The following COL25A1 variants were observed in gnomAD, a reference collection of about 807,000 sequenced individuals.
COL25A1 encodes collagen alpha-1(XXV) chain.
A neutral mutation model predicts 128.4 loss-of-function variants in COL25A1; 103 were observed. The ratio of observed to expected loss-of-function variants is 0.80; its 90% CI spans 0.68 to 0.94. COL25A1 has a LOEUF of 0.94. COL25A1 is among the 40% of genes least tolerant of loss of function. COL25A1 has a pLI of 0.00. For missense variants in COL25A1, 745 were observed against 840.0 expected, an observed-to-expected ratio of 0.89 and a Z score of 1.40; for synonymous variants, 279 against 277.2, an observed-to-expected ratio of 1.01 and a Z score of -0.06.
intron 3 of COL25A1, among the ~76,000 whole-genome samples, chr4:109,279,716 A>C (rs2126273480): frequency 6.6e-6 from 1 of 152,348 alleles, no homozygotes. Context: ...CGTGTTGAAA[A>C]GCTTTTATCA....
At position 109,020,136 on chromosome 4, in the gene COL25A1, A is replaced by G. The variant is rs772696983; in HGVS notation, c.421-9761T>C. On this transcript the variant is annotated intron_variant, in intron 5 of 37. Transcript: ENST00000399132. ...TAAAGCATTATGGATTATGTGTATT[A>G]ATTTTAAAATGGCTTTGCAAAGACT... Among the ~76,000 whole-genome samples the G allele has an allele frequency of 1.6e-4, 25 of 152,182 alleles. 1 individual carries two copies. The highest frequency in any genetic ancestry group is 3.1e-4 in the Non-Finnish European group (21 of 68,042).
intron 30 of COL25A1, among the ~76,000 whole-genome samples, chr4:108,844,316 C>T (rs1052486992): frequency 6.6e-6 from 1 of 152,190 alleles, no homozygotes; most frequent in Non-Finnish European, 1.5e-5. Flanking sequence ...CAAAACTACT[C>T]TATCTCTTCC....
At chr4:109,227,545 T>A (rs2126216816) in intron 3 of COL25A1, among the ~76,000 whole-genome samples, 1 of 151,970 alleles carries the variant, frequency 6.6e-6, no homozygotes, top group African/African-American at 2.4e-5. Flanking sequence ...TTTGAAAGTC[T>A]GGTTATTGCT....
chr4:108,824,043 C>T (rs374776837), intron 35 of COL25A1, 131 bp downstream of exon 35: 3 of 1,611,544 alleles, frequency 1.9e-6, no homozygotes, highest in African/African-American at 2.7e-5. Flanking sequence ...TTCCTTAAAT[C>T]AGGCATCAGT....
intron 3 of COL25A1, among the ~76,000 whole-genome samples, chr4:109,218,365 T>TG (rs1778184254): frequency 2.3e-5 from 3 of 128,632 alleles, no homozygotes; most frequent in African/African-American, 1.0e-4. Context: ...GGGTTTTTTT[T>TG]TTTTTTTTTT....
intron 3 of COL25A1, among the ~76,000 whole-genome samples, chr4:109,253,870 G>T (rs1001844720): frequency 1.3e-5 from 2 of 152,014 alleles, no homozygotes; most frequent in Admixed American, 6.6e-5. Flanking sequence ...GGCGGATCAC[G>T]AGGTCAGGAG....
intron 3 of COL25A1, among the ~76,000 whole-genome samples, chr4:109,190,736 C>G (rs1325594308): frequency 1.3e-5 from 2 of 152,194 alleles, no homozygotes; most frequent in Non-Finnish European, 2.9e-5. Context: ...ATCAGTTACA[C>G]AGAAGAGGCT....
intron 3 of COL25A1, among the ~76,000 whole-genome samples, chr4:109,173,206 C>G (rs1262309790): frequency 6.6e-6 from 1 of 151,920 alleles, no homozygotes; most frequent in African/African-American, 2.4e-5. Context: ...CCCTTTCAGA[C>G]CCCTGAATAG....
At chr4:108,944,246 A>G (rs1354996312) in intron 8 of COL25A1, among the ~76,000 whole-genome samples, 2 of 152,182 alleles carry the variant, frequency 1.3e-5, no homozygotes, top group Admixed American at 1.3e-4. Context: ...CTCTCTAAAT[A>G]CAAGTCCTTT....
intron 6 of COL25A1, among the ~76,000 whole-genome samples, chr4:109,006,351 A>G (rs1425405317): frequency 7.7e-6 from 1 of 130,462 alleles, no homozygotes; most frequent in Non-Finnish European, 1.6e-5. Flanking sequence ...AGCTAGGGTT[A>G]TAGGTGTGCA....
chr4:109,072,181 A>G (rs1258031431), intron 3 of COL25A1, among the ~76,000 whole-genome samples: 1 of 152,216 alleles, frequency 6.6e-6, no homozygotes, highest in Non-Finnish European at 1.5e-5. Context: ...CAAAATATAT[A>G]TACTAATTCA....
chr4:109,197,376 TATA>T (rs1387989492), intron 3 of COL25A1, among the ~76,000 whole-genome samples: 1 of 128,620 alleles, frequency 7.8e-6, no homozygotes, highest in Non-Finnish European at 1.6e-5. Flanking sequence ...ATATAATATA[TATA>T]ATATATAATC....
At chr4:108,905,856 G>GC (rs1743431107) in intron 13 of COL25A1, among the ~76,000 whole-genome samples, 1 of 150,436 alleles carries the variant, frequency 6.6e-6, no homozygotes, top group African/African-American at 2.5e-5. Context: ...ATGTCGGGGG[G>GC]GGGTGCGGGG....
At chr4:109,144,686 CA>C (rs1770761207) in intron 3 of COL25A1, among the ~76,000 whole-genome samples, 1 of 152,132 alleles carries the variant, frequency 6.6e-6, no homozygotes, top group Non-Finnish European at 1.5e-5. Context: ...TTCCATTTAC[CA>C]ACTTAACACC....
At chr4:109,125,687 C>G (rs370596646) in intron 3 of COL25A1, among the ~76,000 whole-genome samples, 3 of 152,110 alleles carry the variant, frequency 2.0e-5, no homozygotes, top group African/African-American at 7.2e-5. Context: ...GATCAATTTT[C>G]AACACATGGA....
At chr4:109,197,365 TATATA>T (rs1269002138) in intron 3 of COL25A1, among the ~76,000 whole-genome samples, 13 of 128,502 alleles carry the variant, frequency 1.0e-4, no homozygotes, top group African/African-American at 3.8e-4. Context: ...TATATAAAAA[TATATA>T]ATATATATAA....
chr4:109,233,442 G>A (rs1403011082), intron 3 of COL25A1, among the ~76,000 whole-genome samples: 1 of 151,586 alleles, frequency 6.6e-6, no homozygotes, highest in Non-Finnish European at 1.5e-5. Flanking sequence ...AGGAAACAGA[G>A]ATATTGAAAG....
chr4:109,134,115 A>G (rs764902255), intron 3 of COL25A1, among the ~76,000 whole-genome samples: 17 of 152,152 alleles, frequency 1.1e-4, no homozygotes, highest in Non-Finnish European at 2.5e-4. Context: ...CGGTGTGTTC[A>G]AAAATGACGA....
intron 5 of COL25A1, among the ~76,000 whole-genome samples, chr4:109,029,705 G>T (rs909983906): frequency 6.6e-6 from 1 of 152,040 alleles, no homozygotes; most frequent in East Asian, 1.9e-4. Context: ...GGAACATATC[G>T]CCTTGGACAA....
Sources: gnomAD v4.1 joint callset for allele counts (sites outside exome capture counted in the v4.1 genomes callset) on GRCh38, gnomAD v4.1.1 for gene constraint, MANE v1.5 for transcripts, NCBI Gene and HGNC (gene_info 2026-07-23, HGNC 2026-07-21) for gene names.